FAM135B: variants seen among roughly 807,000 people sequenced by gnomAD.
FAM135B encodes the protein family with sequence similarity 135 member B, also known as protein FAM135B.
A neutral mutation model predicts 127.7 loss-of-function variants in FAM135B; 43 were observed. The ratio of observed to expected loss-of-function variants is 0.34; its 90% CI spans 0.26 to 0.43. The LOEUF (loss-of-function observed/expected upper bound fraction) is 0.43, where lower values mean the gene tolerates loss of function less well. FAM135B is among the 20% of genes least tolerant of loss of function. The pLI, the probability that FAM135B is intolerant of heterozygous loss-of-function variation, is 1.00. For synonymous variants in FAM135B, 670 were observed against 665.1 expected (o/e 1.01, Z -0.11); for missense variants, 1,558 against 1,725.6 (o/e 0.90, Z 1.72).
chr8:138,465,146 A>T (rs567565583), intron 1 of FAM135B, among the ~76,000 whole-genome samples: 1 of 152,306 alleles, frequency 6.6e-6, no homozygotes, highest in African/African-American at 2.4e-5. Flanking sequence ...ATCCAAGTCA[A>T]TGCTGGGACC....
chr8:138,295,680 A>G (rs1358376807), intron 3 of FAM135B, among the ~76,000 whole-genome samples: 1 of 152,204 alleles, frequency 6.6e-6, no homozygotes, highest in Non-Finnish European at 1.5e-5. Flanking sequence ...CAAGCATCCT[A>G]TCTTCTCGTG....
intron 1 of FAM135B, among the ~76,000 whole-genome samples, chr8:138,480,579 T>C (rs1814731636): frequency 6.6e-6 from 1 of 151,948 alleles, no homozygotes; most frequent in Admixed American, 6.5e-5. Flanking sequence ...ATAAAGAATA[T>C]ATGAGAGAAA....
At chr8:138,171,308 C>T (rs1402431807) in intron 11 of FAM135B, among the ~76,000 whole-genome samples, 2 of 152,136 alleles carry the variant, frequency 1.3e-5, no homozygotes, top group African/African-American at 4.8e-5. Flanking sequence ...GTGTTCCAGG[C>T]AGGGATGCTC....
intron 6 of FAM135B, among the ~76,000 whole-genome samples, chr8:138,245,015 A>G (rs1028676577): frequency 6.6e-6 from 1 of 152,180 alleles, no homozygotes; most frequent in African/African-American, 2.4e-5. Flanking sequence ...TATTTCCCAC[A>G]AACTTAAAGG....
chr8:138,279,376 G>A (rs1221761570), intron 3 of FAM135B, among the ~76,000 whole-genome samples: 6 of 152,150 alleles, frequency 3.9e-5, no homozygotes, highest in Admixed American at 3.9e-4. Context: ...TGACATAAGA[G>A]GCACATAATT....
intron 1 of FAM135B, among the ~76,000 whole-genome samples, chr8:138,473,140 G>A (rs142861221): frequency 3.3e-5 from 5 of 151,938 alleles, no homozygotes; most frequent in Admixed American, 6.6e-5. Context: ...TGCTTTTCTC[G>A]TGACGACTTA....
At chr8:138,189,329 G>A (rs563009659) in intron 9 of FAM135B, among the ~76,000 whole-genome samples, 234 of 152,116 alleles carry the variant, frequency 1.5e-3, no homozygotes, top group African/African-American at 5.2e-3. Flanking sequence ...GCAAGCCTCC[G>A]CATTCACCAC....
chr8:138,196,516 T>C (rs1385098974), intron 8 of FAM135B, among the ~76,000 whole-genome samples: 2 of 152,162 alleles, frequency 1.3e-5, no homozygotes, highest in Non-Finnish European at 2.9e-5. Flanking sequence ...CTCAGTCTAT[T>C]TGGGAAGCAA....
intron 3 of FAM135B, among the ~76,000 whole-genome samples, chr8:138,283,869 C>T (rs1444147659): frequency 6.6e-6 from 1 of 151,872 alleles, no homozygotes; most frequent in Admixed American, 6.6e-5. Context: ...GTTGAAGCTT[C>T]TGGGTCCACA....
At chr8:138,443,799 C>A (rs930489370) in intron 1 of FAM135B, among the ~76,000 whole-genome samples, 1 of 152,090 alleles carries the variant, frequency 6.6e-6, no homozygotes, top group Non-Finnish European at 1.5e-5. Context: ...TCACACATAA[C>A]AATATTAACC....
chr8:138,280,195 C>T (rs897003128), intron 3 of FAM135B, among the ~76,000 whole-genome samples: 2 of 152,184 alleles, frequency 1.3e-5, no homozygotes, highest in African/African-American at 4.8e-5. Flanking sequence ...CCAAGGGGCT[C>T]TCTTGACTCC....
At chr8:138,312,080 G>T (rs1826723224) in intron 2 of FAM135B, among the ~76,000 whole-genome samples, 1 of 152,082 alleles carries the variant, frequency 6.6e-6, no homozygotes, top group Non-Finnish European at 1.5e-5. Context: ...CCACGTAGCT[G>T]GGACTAGAGG....
At chr8:138,153,827 G>A (rs1188801292) in intron 12 of FAM135B, among the ~76,000 whole-genome samples, 2 of 152,206 alleles carry the variant, frequency 1.3e-5, no homozygotes, top group South Asian at 2.1e-4. Context: ...GCTAAAGGAG[G>A]CCTGCCTGCC....
intron 3 of FAM135B, among the ~76,000 whole-genome samples, chr8:138,302,104 T>A (rs1273339129): frequency 6.6e-6 from 1 of 150,894 alleles, no homozygotes; most frequent in Non-Finnish European, 1.5e-5. Context: ...GTGACATTTT[T>A]AATTCTCACA....
intron 13 of FAM135B, among the ~76,000 whole-genome samples, chr8:138,149,294 C>A (rs1817928095): frequency 6.6e-6 from 1 of 152,082 alleles, no homozygotes; most frequent in Non-Finnish European, 1.5e-5. Context: ...CTACCCAGCT[C>A]CAAGGCCCCA....
chr8:138,420,437 C>T (rs1607555), intron 1 of FAM135B, among the ~76,000 whole-genome samples: 102,415 of 151,742 alleles, frequency 0.67, 35,537 homozygotes, highest in African/African-American at 0.82. Flanking sequence ...GTACAGGTGA[C>T]ACCAAAACTA....
In FAM135B at chr8:138,241,292, T is replaced by C. The variant is rs539735016; in HGVS notation, c.669+1650A>G. ...CGTCAGTGCTAAGGACGTCAGGTTC[T>C]GAGAAGCTCAGTGGTTGACTGAAGT... On this transcript the variant is annotated intron_variant, in intron 7 of 19. Coordinates refer to ENST00000395297, the MANE Select transcript of FAM135B (RefSeq NM_015912.4). The surrounding 1 kb of genome is among the most constrained non-coding windows in gnomAD (Gnocchi z 4.8). Among the ~76,000 whole-genome samples the C allele has an allele frequency of 6.6e-6, 1 of 152,304 alleles. No individual in the cohort carries two copies. Among genetic ancestry groups the C allele is most frequent in the Admixed American group, 6.5e-5 (1 of 15,298 alleles).
chr8:138,328,174 T>C (rs535187534), intron 2 of FAM135B, among the ~76,000 whole-genome samples: 2 of 152,282 alleles, frequency 1.3e-5, no homozygotes, highest in South Asian at 4.1e-4. Flanking sequence ...AGAGATGCCC[T>C]GTAAAGAAAT....
intron 1 of FAM135B, among the ~76,000 whole-genome samples, chr8:138,400,547 A>C (rs2131362330): frequency 6.6e-6 from 1 of 152,288 alleles, no homozygotes; most frequent in Middle Eastern, 3.4e-3. Flanking sequence ...TGAAGAGATG[A>C]GTCAGTGAAA....
Sources: allele counts gnomAD v4.1 joint callset (sites outside exome capture counted in the v4.1 genomes callset), GRCh38; gene constraint gnomAD v4.1.1; non-coding constraint Gnocchi (gnomAD v3.1); transcripts MANE v1.5; gene names NCBI Gene and HGNC (gene_info 2026-07-23, HGNC 2026-07-21).